Variants in ENTREP2 observed in about 807,000 individuals in gnomAD.
ENTREP2 encodes protein ENTREP2.
the ENTREP2 span, among the ~76,000 whole-genome samples, chr15:29,231,885 C>A: frequency 7.7e-6 from 1 of 129,952 alleles, no homozygotes; most frequent in Admixed American, 8.3e-5. Context: ...GTTTTCTTTT[C>A]TTTTCTTTCT....
chr15:29,639,601 A>G, the ENTREP2 span, among the ~76,000 whole-genome samples: 1 of 152,118 alleles, frequency 6.6e-6, no homozygotes. Context: ...AAAAGATCTC[A>G]AATCAACAAC....
the ENTREP2 span, among the ~76,000 whole-genome samples, chr15:29,339,200 C>A: frequency 6.6e-6 from 1 of 152,262 alleles, no homozygotes; most frequent in Non-Finnish European, 1.5e-5. Context: ...AGCGGCCCAC[C>A]CCTCCATTCG....
chr15:29,207,264 G>C, the ENTREP2 span, among the ~76,000 whole-genome samples: 1 of 152,198 alleles, frequency 6.6e-6, no homozygotes, highest in Admixed American at 6.5e-5. Context: ...ATTGTGTCCA[G>C]AATTGGTTCC....
At chr15:29,302,312 A>C in the ENTREP2 span, among the ~76,000 whole-genome samples, 1 of 152,206 alleles carries the variant, frequency 6.6e-6, no homozygotes. Context: ...CTGTTCATTC[A>C]ACTTATCGTC....
At chr15:29,152,127 A>C in the ENTREP2 span, among the ~76,000 whole-genome samples, 4 of 152,324 alleles carry the variant, frequency 2.6e-5, no homozygotes, top group South Asian at 8.3e-4. Flanking sequence ...AGGAAATCAT[A>C]AGGTGGCCAA....
the ENTREP2 span, among the ~76,000 whole-genome samples, chr15:29,321,698 C>T: frequency 6.7e-6 from 1 of 149,954 alleles, no homozygotes; most frequent in African/African-American, 2.4e-5. Flanking sequence ...AAGACTTTTT[C>T]GGAGAAAGGA....
chr15:29,287,503 A>G, the ENTREP2 span, among the ~76,000 whole-genome samples: 1 of 152,186 alleles, frequency 6.6e-6, no homozygotes, highest in Non-Finnish European at 1.5e-5. Flanking sequence ...ATAGATAACC[A>G]AAACACCATA....
chr15:29,465,642 A>T, the ENTREP2 span, among the ~76,000 whole-genome samples: 1 of 152,220 alleles, frequency 6.6e-6, no homozygotes, highest in African/African-American at 2.4e-5. Flanking sequence ...TGAGTCTTTG[A>T]TTCTCAAATT....
chr15:29,154,325 A>G, the ENTREP2 span, among the ~76,000 whole-genome samples: 1 of 152,106 alleles, frequency 6.6e-6, no homozygotes, highest in Non-Finnish European at 1.5e-5. Flanking sequence ...AAATAAAAAT[A>G]TAAGATGACT....
At chr15:29,458,285 AT>A in the ENTREP2 span, among the ~76,000 whole-genome samples, 1 of 152,084 alleles carries the variant, frequency 6.6e-6, no homozygotes, top group Admixed American at 6.6e-5. Flanking sequence ...CCCTCCACAG[AT>A]TGGAGGATGC....
chr15:29,264,411 ACT>A, the ENTREP2 span, among the ~76,000 whole-genome samples: 3 of 152,242 alleles, frequency 2.0e-5, no homozygotes, highest in African/African-American at 7.2e-5. Flanking sequence ...AAAGGAGAAA[ACT>A]CTGCAGTGGA....
At chr15:29,459,200 T>A in the ENTREP2 span, among the ~76,000 whole-genome samples, 1 of 152,224 alleles carries the variant, frequency 6.6e-6, no homozygotes, top group Non-Finnish European at 1.5e-5. Flanking sequence ...CCAGCCAGAC[T>A]ATCAGTCCTG....
the ENTREP2 span, among the ~76,000 whole-genome samples, chr15:29,482,370 G>T: frequency 6.6e-6 from 1 of 151,972 alleles, no homozygotes; most frequent in Non-Finnish European, 1.5e-5. Flanking sequence ...CCAAGTCCAT[G>T]GTATACATTA....
At chr15:29,156,875 A>G in the ENTREP2 span, among the ~76,000 whole-genome samples, 1 of 152,138 alleles carries the variant, frequency 6.6e-6, no homozygotes, top group Non-Finnish European at 1.5e-5. Context: ...CGGGAGGATC[A>G]CTTGAGGTCA....
chr15:29,135,673 T>G, the ENTREP2 span, among the ~76,000 whole-genome samples: 1 of 152,118 alleles, frequency 6.6e-6, no homozygotes, highest in African/African-American at 2.4e-5. This position sits in a 1 kb window ranked among gnomAD's most constrained non-coding sequence, Gnocchi z 7.4. Context: ...ATTTTACAGA[T>G]GAGGAAACTG....
At chr15:29,226,655 G>T in the ENTREP2 span, among the ~76,000 whole-genome samples, 7 of 152,312 alleles carry the variant, frequency 4.6e-5, no homozygotes, top group South Asian at 1.4e-3. Context: ...GGTTGCCCTG[G>T]TTACTATGGG....
At chr15:29,490,374 C>A in the ENTREP2 span, among the ~76,000 whole-genome samples, 1 of 152,294 alleles carries the variant, frequency 6.6e-6, no homozygotes, top group Non-Finnish European at 1.5e-5. Context: ...AGCGAAAGAA[C>A]AAAACCTCCA....
the ENTREP2 span, among the ~76,000 whole-genome samples, chr15:29,227,067 C>T: frequency 1.3e-5 from 2 of 152,194 alleles, no homozygotes; most frequent in African/African-American, 4.8e-5. Context: ...TGCCACAGCC[C>T]CGTGCTGGAC....
At chr15:29,175,396 T>C in the ENTREP2 span, among the ~76,000 whole-genome samples, 1 of 152,228 alleles carries the variant, frequency 6.6e-6, no homozygotes, top group Admixed American at 6.5e-5. Context: ...CATCTGAGTG[T>C]CTGATCGGAT....
Sources: allele counts gnomAD v4.1 joint callset (sites outside exome capture counted in the v4.1 genomes callset), GRCh38; gene constraint gnomAD v4.1.1; non-coding constraint Gnocchi (gnomAD v3.1); transcripts MANE v1.5; gene names NCBI Gene and HGNC (gene_info 2026-07-23, HGNC 2026-07-21).